SYNE1: variants seen among roughly 807,000 people sequenced by gnomAD.
SYNE1 encodes the protein nesprin-1.
Under a neutral mutation model 1,111.0 loss-of-function variants are expected in SYNE1, and 616 were observed. The observed-to-expected ratio is 0.55, with a 90% confidence interval of 0.52 to 0.59. The LOEUF is 0.59. Ranked by LOEUF, SYNE1 falls within the 20% of genes least tolerant of loss-of-function variation. The pLI, the probability that SYNE1 is intolerant of heterozygous loss-of-function variation, is 0.00. For synonymous variants in SYNE1, 3,855 were observed against 3,825.8 expected (o/e 1.01, Z -0.28); for missense variants, 10,006 against 10,417.0 (o/e 0.96, Z 1.72).
chr6:152,218,514 G>T lies in SYNE1; in HGVS notation c.22045-111C>A, dbSNP rs1178694238. On this transcript the variant is annotated intron_variant, in intron 120 of 145. Coordinates refer to ENST00000367255, the MANE Select transcript of SYNE1 (RefSeq NM_182961.4). Reference sequence around the variant, plus strand: ...TATTAAAATTATTTTTCATATTCTTGTATCAAATTGCCATTCTCTAGACGT... The same window carrying T: ...TATTAAAATTATTTTTCATATTCTTTTATCAAATTGCCATTCTCTAGACGT... 25 of 1,234,356 alleles carry T rather than the reference G, an allele frequency of 2.0e-5. 1 individual carries two copies. In the Admixed American group the frequency reaches 4.6e-4, roughly 23 times the overall value. The allele number at this position is 1,234,356 out of a possible 1,614,324, so 76.5% of individuals were successfully genotyped here. A position where few individuals can be genotyped will look rare whatever the true frequency, so the allele number is the denominator to read the frequency against.
At chr6:152,376,255 G>T (rs1591441558) in intron 58 of SYNE1, 126 bp downstream of exon 58, 3 of 956,512 alleles carry the variant, frequency 3.1e-6, no homozygotes, top group Non-Finnish European at 4.9e-6. Context: ...CCTGCTGTGC[G>T]GCCTGGTTCC....
At chr6:152,442,620 T>C (rs1469408094) in intron 30 of SYNE1, among the ~76,000 whole-genome samples, 1 of 152,208 alleles carries the variant, frequency 6.6e-6, no homozygotes, top group Non-Finnish European at 1.5e-5. Context: ...TTTTTAAAAA[T>C]TATTTATTTT....
intron 3 of SYNE1, among the ~76,000 whole-genome samples, chr6:152,573,995 T>A (rs891047721): frequency 2.0e-4 from 30 of 152,182 alleles, no homozygotes; most frequent in African/African-American, 7.2e-4. Flanking sequence ...ATTAGAGATG[T>A]TCAACCAAGC....
intron 138 of SYNE1, among the ~76,000 whole-genome samples, chr6:152,142,017 G>A (rs140628536): frequency 7.2e-5 from 11 of 152,130 alleles, no homozygotes; most frequent in Non-Finnish European, 1.5e-4. Context: ...TGCATGCAGC[G>A]AGCTAAGACC....
intron 115 of SYNE1, 84 bp downstream of exon 115, chr6:152,230,463 C>T: frequency 7.3e-7 from 1 of 1,362,218 alleles, no homozygotes; most frequent in African/African-American, 1.4e-5. Flanking sequence ...AAATATTTAA[C>T]TTGCAACTCT....
chr6:152,409,910 C>G (rs1021621312), intron 42 of SYNE1, among the ~76,000 whole-genome samples: 2 of 152,088 alleles, frequency 1.3e-5, no homozygotes, highest in African/African-American at 4.8e-5. Context: ...GAGGTATGCA[C>G]GCAACCACTG....
chr6:152,467,506 T>C (rs1213174559), intron 16 of SYNE1, among the ~76,000 whole-genome samples: 1 of 152,072 alleles, frequency 6.6e-6, no homozygotes, highest in Non-Finnish European at 1.5e-5. Flanking sequence ...TTGGTACAAA[T>C]TTCAAGAAGC....
intron 141 of SYNE1, 52 bp downstream of exon 141, chr6:152,136,566 T>A: frequency 6.2e-7 from 1 of 1,604,746 alleles, no homozygotes; most frequent in Non-Finnish European, 8.5e-7. Flanking sequence ...CACACTCAGC[T>A]AAATTGCTAA....
At chr6:152,484,165 T>C (rs551542966) in intron 13 of SYNE1, among the ~76,000 whole-genome samples, 2 of 152,184 alleles carry the variant, frequency 1.3e-5, no homozygotes, top group East Asian at 1.9e-4. Flanking sequence ...TGAGCTGTGA[T>C]TGTGCCACTG....
At chr6:152,398,512 G>A (rs2097768796) in intron 49 of SYNE1, 107 bp downstream of exon 49, 2 of 901,054 alleles carry the variant, frequency 2.2e-6, no homozygotes, top group Non-Finnish European at 1.8e-6. Context: ...TTAGGGACGA[G>A]GAAAAGATTG....
intron 3 of SYNE1, among the ~76,000 whole-genome samples, chr6:152,588,727 G>A (rs1261313825): frequency 2.0e-5 from 3 of 152,122 alleles, no homozygotes; most frequent in African/African-American, 7.2e-5. Context: ...GAGAAGGAAA[G>A]GCAGGCACAT....
At chr6:152,585,383 A>G (rs2099534527) in intron 3 of SYNE1, among the ~76,000 whole-genome samples, 1 of 152,262 alleles carries the variant, frequency 6.6e-6, no homozygotes. Flanking sequence ...TTGCATGCAA[A>G]TGCAAATAGA....
At chr6:152,452,274 G>A (rs994948418) in intron 25 of SYNE1, among the ~76,000 whole-genome samples, 26 of 152,150 alleles carry the variant, frequency 1.7e-4, no homozygotes, top group African/African-American at 6.3e-4. Context: ...TGGGCCTATG[G>A]AAAGTCCCAC....
intron 138 of SYNE1, among the ~76,000 whole-genome samples, chr6:152,141,637 T>G (rs779680021): frequency 1.3e-5 from 2 of 152,010 alleles, no homozygotes; most frequent in Non-Finnish European, 2.9e-5. Context: ...CATGCATCTG[T>G]AGTCTCAGCT....
rs146098945 is a variant in SYNE1 at position 152,329,956 on chromosome 6, G to A, written c.14729C>T (p.Pro4910Leu). The A allele has an allele frequency of 6.8e-6, 11 of 1,614,102 alleles. No homozygotes were observed. Among genetic ancestry groups the A allele is most frequent in the Admixed American group, 1.7e-5 (1 of 60,014 alleles). Residue 4910 changes from proline to leucine, a missense_variant, in exon 78 of 146, where the codon CCG becomes CTG. Pro to Leu is a moderately conservative substitution (Grantham distance 98, BLOSUM62 -3). Coordinates refer to ENST00000367255, the MANE Select transcript of SYNE1 (RefSeq NM_182961.4). ...LRRVKAELSG[P>L]VYLDLNLQDI... Reference sequence around the variant, plus strand: ...CTGCAGGTTGAGGTCTAGGTACACCGGCCCACTGAGCTCTGCCTTCACTCT... The same window carrying A: ...CTGCAGGTTGAGGTCTAGGTACACCAGCCCACTGAGCTCTGCCTTCACTCT...
In SYNE1 at chr6:152,273,732, T is replaced by C. The variant is rs376822967; in HGVS notation, c.18573+4357A>G. 1.4e-4 allele frequency among the ~76,000 whole-genome samples: 22 copies of C among 152,358 alleles called. No individual in the cohort carries two copies. In the South Asian group the frequency reaches 3.3e-3, roughly 23 times the overall value. On this transcript the variant is annotated intron_variant, in intron 98 of 145. Coordinates refer to ENST00000367255, the MANE Select transcript of SYNE1 (RefSeq NM_182961.4). ...CTAGAAGATCCAGCAATGCCACTTG[T>C]AAATTCTTGTGTGATAATAGCTAGA...
rs147563596 is a variant in SYNE1 at position 152,405,643 on chromosome 6, T to C, written c.6724-1329A>G. On this transcript the variant is annotated intron_variant, in intron 45 of 145. Transcript: ENST00000367255. The stretch of plus-strand genomic sequence containing the variant: ...CAGTGGCTCCCAAAATTCCTGAACA[T>C]TTAACAATTGACTTTTGCAAGCTGG... Among the ~76,000 whole-genome samples the C allele has an allele frequency of 5.3e-5, 8 of 152,310 alleles. No individual in the cohort carries two copies. The East Asian group carries it at 1.5e-3, about 29-fold the overall frequency.
chr6:152,532,013 C>A (rs1448227329), intron 4 of SYNE1, among the ~76,000 whole-genome samples: 2 of 152,108 alleles, frequency 1.3e-5, no homozygotes, highest in African/African-American at 2.4e-5. Context: ...TAGATATATA[C>A]CCAGAAGTGG....
intron 36 of SYNE1, among the ~76,000 whole-genome samples, chr6:152,429,358 C>T (rs928320647): frequency 3.9e-5 from 6 of 152,122 alleles, no homozygotes; most frequent in African/African-American, 1.4e-4. Context: ...AATTTCATCA[C>T]ACTGAATTCT....
Sources: gnomAD v4.1 joint callset for allele counts (sites outside exome capture counted in the v4.1 genomes callset) on GRCh38, gnomAD v4.1.1 for gene constraint, MANE v1.5 for transcripts, NCBI Gene and HGNC (gene_info 2026-07-23, HGNC 2026-07-21) for gene names.